The following CACNA1E variants were observed in gnomAD, a reference collection of about 807,000 sequenced individuals.
The protein encoded by CACNA1E is voltage-dependent R-type calcium channel subunit alpha-1E.
In CACNA1E, 40 loss-of-function variants were observed where a neutral mutation model predicts 259.2. The ratio of observed to expected loss-of-function variants is 0.15; its 90% CI spans 0.12 to 0.20. CACNA1E has a LOEUF of 0.20. Ranked by LOEUF, CACNA1E falls within the 10% of genes least tolerant of loss-of-function variation. CACNA1E has a pLI of 1.00. For missense variants in CACNA1E, 1,874 were observed against 3,040.1 expected (o/e 0.62, Z 9.02); for synonymous variants, 1,104 against 1,138.5 (o/e 0.97, Z 0.61).
rs1195891345 is a variant in CACNA1E, at chr1:181,491,621, G to C, written c.266+7611G>C. 2.6e-5 allele frequency among the ~76,000 whole-genome samples: 4 copies of C among 152,202 alleles called. No homozygotes were observed. The East Asian group carries it at 7.7e-4, about 29-fold the overall frequency. The stretch of plus-strand genomic sequence containing the variant: ...GCTGCTAACAAAAGCTTATGCTTTG[G>C]GTTTGGATAGTGAGGAGGCTTTGAG... On this transcript the variant is annotated intron_variant, in intron 1 of 47. Transcript: ENST00000367573.
rs769569882 is a variant in CACNA1E, at chr1:181,739,203, C to T, written c.3669C>T (p.Asn1223=). The T allele has an allele frequency of 4.3e-5, 69 of 1,613,740 alleles. No individual in the cohort carries two copies. The highest frequency in any genetic ancestry group is 5.8e-5 in the Non-Finnish European group (68 of 1,179,752). The change falls in exon 25 of 48, where the codon AAC becomes AAT. Residue 1223 remains asparagine, a synonymous_variant. Coordinates refer to ENST00000367573, the MANE Select transcript of CACNA1E (RefSeq NM_001205293.3). The stretch of plus-strand genomic sequence containing the variant: ...GGTCCTACTTCCGAGACTTGTGGAA[C>T]ATCCTGGACTTTGTGGTGGTCGTTG... The part of the protein sequence containing the change: ...QDGSYFRDLW[N]ILDFVVVVGA...
chr1:181,749,876 G>A (rs557438840), intron 25 of CACNA1E, among the ~76,000 whole-genome samples: 2 of 152,282 alleles, frequency 1.3e-5, no homozygotes, highest in East Asian at 3.9e-4. Flanking sequence ...ACAGACAAAT[G>A]CCTCCCTCCC....
chr1:181,503,503 C>T (rs748536716), intron 1 of CACNA1E, among the ~76,000 whole-genome samples: 2 of 152,198 alleles, frequency 1.3e-5, no homozygotes, highest in Non-Finnish European at 2.9e-5. Flanking sequence ...TTCCTGGAGG[C>T]CCATTACCAT....
At chr1:181,394,627 AT>A (rs1656526540) in intron 1 of CACNA1E, among the ~76,000 whole-genome samples, 1 of 152,138 alleles carries the variant, frequency 6.6e-6, no homozygotes, top group African/African-American at 2.4e-5. Flanking sequence ...GGAAAATAGG[AT>A]AAGGGGGATT....
chr1:181,768,890 C>T (rs1659249455), intron 35 of CACNA1E, among the ~76,000 whole-genome samples: 1 of 152,164 alleles, frequency 6.6e-6, no homozygotes, highest in South Asian at 2.1e-4. Flanking sequence ...AACGCAAGGG[C>T]AGAGACAAGC....
chr1:181,350,601 G>T (rs1182825710), intron 1 of CACNA1E, among the ~76,000 whole-genome samples: 1 of 152,076 alleles, frequency 6.6e-6, no homozygotes, highest in East Asian at 1.9e-4. Context: ...GGCAGCATTG[G>T]TCATGTGCTT....
At chr1:181,320,945 A>T (rs1162610465) in intron 1 of CACNA1E, among the ~76,000 whole-genome samples, 4 of 152,184 alleles carry the variant, frequency 2.6e-5, no homozygotes, top group Non-Finnish European at 1.5e-5. Flanking sequence ...TGCAGGCTGT[A>T]CAAGAAGCAT....
At chr1:181,715,445 T>TGGGG in intron 9 of CACNA1E, 54 bp downstream of exon 9, 1 of 949,736 alleles carries the variant, frequency 1.1e-6, no homozygotes, top group East Asian at 2.5e-5. Flanking sequence ...TCTTAGGCGA[T>TGGGG]GGCAATCTCT....
At chr1:181,434,478 G>A (rs1176940691) in intron 2 of CACNA1E, among the ~76,000 whole-genome samples, 1 of 151,742 alleles carries the variant, frequency 6.6e-6, no homozygotes, top group Non-Finnish European at 1.5e-5. Flanking sequence ...AAATTTTAAT[G>A]GGAGACATGA....
At chr1:181,321,796 C>G (rs992500989) in intron 1 of CACNA1E, among the ~76,000 whole-genome samples, 4 of 152,212 alleles carry the variant, frequency 2.6e-5, no homozygotes, top group Admixed American at 2.6e-4. Context: ...GCGTGGGAGA[C>G]TTCATTTCTA....
At chr1:181,417,179 C>A (rs951151455) in intron 2 of CACNA1E, among the ~76,000 whole-genome samples, 1 of 152,104 alleles carries the variant, frequency 6.6e-6, no homozygotes, top group Non-Finnish European at 1.5e-5. Flanking sequence ...GACACTGATC[C>A]TATTACCTTT....
chr1:181,356,348 G>GTT (rs1557938077), intron 1 of CACNA1E, among the ~76,000 whole-genome samples: 1 of 152,024 alleles, frequency 6.6e-6, no homozygotes, highest in Non-Finnish European at 1.5e-5. Flanking sequence ...ATTCGTGTGT[G>GTT]TGTGTGTGTG....
chr1:181,464,152 T>C (rs1662000213), intron 2 of CACNA1E, among the ~76,000 whole-genome samples: 1 of 152,130 alleles, frequency 6.6e-6, no homozygotes, highest in East Asian at 1.9e-4. Flanking sequence ...ATTTAGTTTT[T>C]ATAACTTTGT....
intron 6 of CACNA1E, among the ~76,000 whole-genome samples, chr1:181,609,313 G>T (rs185739913): frequency 2.3e-4 from 35 of 152,340 alleles, no homozygotes; most frequent in Non-Finnish European, 4.3e-4. Context: ...AAGAATGGCA[G>T]TGGGCTTGCT....
At chr1:181,366,800 T>C (rs554157170) in intron 1 of CACNA1E, among the ~76,000 whole-genome samples, 3 of 152,178 alleles carry the variant, frequency 2.0e-5, no homozygotes, top group Non-Finnish European at 4.4e-5. Context: ...GAGTGATAGA[T>C]TAATACTGAT....
chr1:181,548,288 G>A (rs923036519), intron 3 of CACNA1E, among the ~76,000 whole-genome samples: 3 of 151,850 alleles, frequency 2.0e-5, no homozygotes, highest in Middle Eastern at 3.2e-3. Context: ...CTACCACCCA[G>A]CTAATTTTTG....
At position 181,640,430 on chromosome 1, in the gene CACNA1E, T is replaced by C. The variant is rs1016712627; in HGVS notation, c.952-10908T>C. 3.3e-5 allele frequency among the ~76,000 whole-genome samples: 5 copies of C among 152,210 alleles called. No individual in the cohort carries two copies. In the East Asian group the frequency reaches 9.6e-4, roughly 29 times the overall value. On this transcript the variant is annotated intron_variant, in intron 6 of 47. Transcript: ENST00000367573. ...TGGTTCCTTGCTTTCAACCTGTTTT[T>C]GTTAAGGAATAGGAGTGTTTCCTGT...
At chr1:181,473,911 G>A (rs1217732324) in intron 2 of CACNA1E, among the ~76,000 whole-genome samples, 6 of 152,146 alleles carry the variant, frequency 3.9e-5, no homozygotes, top group Non-Finnish European at 8.8e-5. Context: ...CTGTAAAATG[G>A]GGTTTATAAT....
intron 1 of CACNA1E, among the ~76,000 whole-genome samples, chr1:181,326,226 C>T (rs1224685629): frequency 6.6e-6 from 1 of 152,216 alleles, no homozygotes; most frequent in African/African-American, 2.4e-5. Context: ...GAAAGGCCTG[C>T]AGAACCCGAG....
Sources: allele counts gnomAD v4.1 joint callset (sites outside exome capture counted in the v4.1 genomes callset), GRCh38; gene constraint gnomAD v4.1.1; transcripts MANE v1.5; gene names NCBI Gene and HGNC (gene_info 2026-07-23, HGNC 2026-07-21).